Variants in EDA observed in about 807,000 individuals in gnomAD.
EDA encodes the protein ectodysplasin-A.
EDA carries 2 observed loss-of-function variants against 23.6 expected under a neutral mutation model. The observed-to-expected ratio is 0.08, with a 90% CI of 0.03 to 0.27. The LOEUF (loss-of-function observed/expected upper bound fraction) is 0.27. Ranked by LOEUF, EDA falls within the 10% of genes least tolerant of loss-of-function variation. The probability of loss-of-function intolerance (pLI) is 1.00; values close to 1 mark genes in which losing one functional copy is unlikely to be tolerated. For synonymous variants in EDA, 131 were observed against 132.0 expected, an observed-to-expected ratio of 0.99 and a Z score of 0.05; for missense variants, 229 against 324.2, an observed-to-expected ratio of 0.71 and a Z score of 2.26.
At chrX:69,945,315 G>C (rs777250986) in intron 1 of EDA, among the ~76,000 whole-genome samples, 116 of 111,967 alleles carry the variant, frequency 1.0e-3, no homozygotes, top group Non-Finnish European at 1.9e-3. Context: ...TCTTGGGAGA[G>C]AGAGGAGCTA....
chrX:69,627,286 C>T (rs1437010839), intron 1 of EDA, among the ~76,000 whole-genome samples: 1 of 111,425 alleles, frequency 9.0e-6, no homozygotes, highest in Non-Finnish European at 1.9e-5. Context: ...CTCTACATCC[C>T]TCTCCCTTTC....
chrX:69,731,524 C>T (rs1042950680), intron 1 of EDA, among the ~76,000 whole-genome samples: 7 of 109,917 alleles, frequency 6.4e-5, no homozygotes, highest in Non-Finnish European at 1.1e-4. Context: ...TCACTGCAAC[C>T]TCCGCCTCCC....
At chrX:69,696,516 A>C (rs1480537173) in intron 1 of EDA, among the ~76,000 whole-genome samples, 1 of 111,848 alleles carries the variant, frequency 8.9e-6, no homozygotes, top group Non-Finnish European at 1.9e-5. Flanking sequence ...ACTTTAGGAT[A>C]AAAATTACCC....
chrX:69,972,579 T>G (rs2147440672), intron 2 of EDA, among the ~76,000 whole-genome samples: 1 of 111,864 alleles, frequency 8.9e-6, no homozygotes, highest in East Asian at 2.8e-4. Flanking sequence ...AAAATGGACT[T>G]TGGTTTCACA....
intron 1 of EDA, among the ~76,000 whole-genome samples, chrX:69,896,488 G>A (rs750529003): frequency 1.8e-4 from 20 of 109,118 alleles, no homozygotes; most frequent in Admixed American, 4.0e-4. Context: ...GGATGGTTTC[G>A]TACAACATAC....
intron 1 of EDA, among the ~76,000 whole-genome samples, chrX:69,924,347 G>A (rs1291102876): frequency 3.6e-5 from 4 of 111,380 alleles, no homozygotes; most frequent in Admixed American, 9.6e-5. Flanking sequence ...TTTGTATGTG[G>A]TGTAGGGAAG....
intron 1 of EDA, among the ~76,000 whole-genome samples, chrX:69,731,896 T>G (rs2013044656): frequency 8.9e-6 from 1 of 111,862 alleles, no homozygotes. Flanking sequence ...GCTGTAGATT[T>G]TTCATAGATG....
intron 1 of EDA, among the ~76,000 whole-genome samples, chrX:69,908,628 G>GTTTTA (rs1403937430): frequency 7.3e-5 from 8 of 109,786 alleles, no homozygotes; most frequent in African/African-American, 2.6e-4. Flanking sequence ...TTACTTAGGG[G>GTTTTA]CTGAAAACCA....
chrX:69,680,117 G>T (rs1934277971), intron 1 of EDA, among the ~76,000 whole-genome samples: 1 of 108,015 alleles, frequency 9.3e-6, no homozygotes, highest in Admixed American at 1.0e-4. Flanking sequence ...CAGTTTCCAT[G>T]TAGTTGAGCG....
At chrX:69,938,871 T>C (rs916598901) in intron 1 of EDA, among the ~76,000 whole-genome samples, 6 of 112,447 alleles carry the variant, frequency 5.3e-5, no homozygotes, top group African/African-American at 1.6e-4. Flanking sequence ...TCCAAATGTA[T>C]GTTCTTGGAA....
intron 1 of EDA, among the ~76,000 whole-genome samples, chrX:69,677,315 A>G (rs1464869697): frequency 5.2e-4 from 57 of 109,618 alleles, no homozygotes; most frequent in African/African-American, 1.9e-3. Context: ...TTATAGCAGC[A>G]TGATTTATAG....
intron 1 of EDA, among the ~76,000 whole-genome samples, chrX:69,706,689 T>C (rs950331952): frequency 2.7e-5 from 3 of 111,869 alleles, no homozygotes; most frequent in African/African-American, 9.8e-5. Context: ...TAATTGGCAA[T>C]TGGTTGAAAG....
intron 1 of EDA, among the ~76,000 whole-genome samples, chrX:69,905,715 T>C (rs540656489): frequency 1.8e-5 from 2 of 111,701 alleles, no homozygotes; most frequent in African/African-American, 6.5e-5. Flanking sequence ...AGAACCCGTC[T>C]TTGCCTGGAT....
intron 2 of EDA, among the ~76,000 whole-genome samples, chrX:69,966,327 C>G (rs1429313967): frequency 9.0e-6 from 1 of 111,542 alleles, no homozygotes; most frequent in African/African-American, 3.3e-5. Context: ...CGCCTGTAAT[C>G]CCAACACTTT....
chrX:69,954,660 G>A (rs923626177), intron 1 of EDA, among the ~76,000 whole-genome samples: 2 of 111,563 alleles, frequency 1.8e-5, no homozygotes, highest in South Asian at 3.8e-4. Context: ...TTGCTATTAC[G>A]GGGTTTTTTT....
At chrX:69,909,934 T>A (rs2147652480) in intron 1 of EDA, among the ~76,000 whole-genome samples, 1 of 111,760 alleles carries the variant, frequency 8.9e-6, no homozygotes, top group East Asian at 2.8e-4. Context: ...CCATTTCTAT[T>A]TTCAGCCTAA....
chrX:69,703,390 G>A (rs1181644823), intron 1 of EDA, among the ~76,000 whole-genome samples: 1 of 111,998 alleles, frequency 8.9e-6, no homozygotes, highest in Non-Finnish European at 1.9e-5. Context: ...CAGGGTGGAG[G>A]CGTAGGTCCA....
chrX:70,028,124 C>T (rs1415853265), intron 4 of EDA, 88 bp downstream of exon 4: 14 of 1,146,827 alleles, frequency 1.2e-5, no homozygotes, highest in African/African-American at 3.6e-5. Context: ...CAGTTTCAAA[C>T]GGTGGAGATG....
intron 2 of EDA, among the ~76,000 whole-genome samples, chrX:69,967,903 G>C (rs2019197065): frequency 4.5e-5 from 5 of 111,858 alleles, no homozygotes; most frequent in Non-Finnish European, 9.4e-5. Context: ...ACGCTGGTGA[G>C]AGCAGTTTTA....
Sources: gnomAD v4.1 joint callset for allele counts (sites outside exome capture counted in the v4.1 genomes callset) on GRCh38, gnomAD v4.1.1 for gene constraint, MANE v1.5 for transcripts, NCBI Gene and HGNC (gene_info 2026-07-23, HGNC 2026-07-21) for gene names.